Variants in GABRB1 observed in about 807,000 individuals in gnomAD.
The protein encoded by GABRB1 is gamma-aminobutyric acid receptor subunit beta-1.
Under a neutral mutation model 51.6 loss-of-function variants are expected in GABRB1, and 17 were observed. The ratio of observed to expected loss-of-function variants is 0.33; its 90% CI spans 0.23 to 0.49. GABRB1 has a LOEUF of 0.49. Ranked by LOEUF, GABRB1 falls within the 20% of genes least tolerant of loss-of-function variation. The probability of loss-of-function intolerance (pLI) is 0.99; values close to 1 mark genes in which losing one functional copy is unlikely to be tolerated. For missense variants in GABRB1, 410 were observed against 600.6 expected, an observed-to-expected ratio of 0.68 and a Z score of 3.32; for synonymous variants, 247 against 218.9, an observed-to-expected ratio of 1.13 and a Z score of -1.14.
chr4:47,152,222 T>G (rs948628580), intron 3 of GABRB1, among the ~76,000 whole-genome samples: 2 of 151,996 alleles, frequency 1.3e-5, no homozygotes, highest in African/African-American at 4.8e-5. Flanking sequence ...AAATTTGGAA[T>G]GTAATAAGAT....
chr4:47,351,660 T>C (rs1431322339), intron 5 of GABRB1, among the ~76,000 whole-genome samples: 1 of 148,728 alleles, frequency 6.7e-6, no homozygotes, highest in Non-Finnish European at 1.5e-5. Context: ...ACATGTGGTG[T>C]TTGGTTTTTT....
intron 5 of GABRB1, among the ~76,000 whole-genome samples, chr4:47,380,673 G>A (rs540041850): frequency 6.6e-6 from 1 of 152,110 alleles, no homozygotes; most frequent in African/African-American, 2.4e-5. Context: ...TAAAACCCTA[G>A]ATATATTGTT....
chr4:47,109,727 T>C (rs1263887507), intron 3 of GABRB1, among the ~76,000 whole-genome samples: 1 of 152,136 alleles, frequency 6.6e-6, no homozygotes, highest in African/African-American at 2.4e-5. Context: ...GAAAGGTAGA[T>C]TTAAAGATGC....
At chr4:47,313,145 TATA>T (rs1724768129) in intron 4 of GABRB1, among the ~76,000 whole-genome samples, 2 of 152,174 alleles carry the variant, frequency 1.3e-5, no homozygotes, top group Admixed American at 1.3e-4. Flanking sequence ...AAATTGGGAT[TATA>T]ATGTAATCCA....
chr4:47,130,129 C>G (rs889814853), intron 3 of GABRB1, among the ~76,000 whole-genome samples: 1 of 152,162 alleles, frequency 6.6e-6, no homozygotes, highest in Non-Finnish European at 1.5e-5. Flanking sequence ...CCCACATTTT[C>G]TCTCTGATAC....
rs182448812 is a variant in GABRB1 at position 47,398,771 on chromosome 4, T to C, written c.545-4547T>C. Among the ~76,000 whole-genome samples, 499 of 147,614 alleles carry C rather than the reference T, an allele frequency of 3.4e-3. 6 individuals are homozygous for C. Among genetic ancestry groups the C allele is most frequent in the African/African-American group, 0.011 (445 of 39,256 alleles). ...GGCTAAATTTTTGTGTGAGGTTTTT[T>C]TGTTTTTTGTTTGTTTGTTTTGTTT... On this transcript the variant is annotated intron_variant, in intron 5 of 8. Coordinates refer to ENST00000295454, the MANE Select transcript of GABRB1 (RefSeq NM_000812.4).
chr4:47,154,471 C>T (rs1470857170), intron 3 of GABRB1, among the ~76,000 whole-genome samples: 3 of 152,016 alleles, frequency 2.0e-5, no homozygotes, highest in Non-Finnish European at 4.4e-5. Flanking sequence ...AGTCGTTTAA[C>T]ATCTCTAGGT....
intron 4 of GABRB1, among the ~76,000 whole-genome samples, chr4:47,236,149 C>T (rs1721326699): frequency 6.6e-6 from 1 of 152,056 alleles, no homozygotes; most frequent in Non-Finnish European, 1.5e-5. Flanking sequence ...TGTATTAAAA[C>T]ATAAATTTTA....
chr4:47,305,225 T>G (rs1477078136), intron 4 of GABRB1, among the ~76,000 whole-genome samples: 1 of 152,128 alleles, frequency 6.6e-6, no homozygotes, highest in African/African-American at 2.4e-5. Context: ...AATATCTAGC[T>G]TAATTTGAGC....
chr4:47,301,049 G>A (rs569781011), intron 4 of GABRB1, among the ~76,000 whole-genome samples: 2 of 151,990 alleles, frequency 1.3e-5, no homozygotes, highest in South Asian at 4.2e-4. Flanking sequence ...ATAAATTAGT[G>A]GCTATAAGCA....
intron 8 of GABRB1, among the ~76,000 whole-genome samples, chr4:47,424,049 C>T (rs1729180888): frequency 6.6e-6 from 1 of 152,124 alleles, no homozygotes; most frequent in South Asian, 2.1e-4. Context: ...CAAAATGCTT[C>T]ACAGAGGGAA....
chr4:47,298,450 A>T (rs1433093711), intron 4 of GABRB1, among the ~76,000 whole-genome samples: 1 of 152,186 alleles, frequency 6.6e-6, no homozygotes, highest in Non-Finnish European at 1.5e-5. Flanking sequence ...AATAACAGAC[A>T]AACAGAGAGC....
chr4:47,356,277 T>C (rs1726572064), intron 5 of GABRB1, among the ~76,000 whole-genome samples: 2 of 143,200 alleles, frequency 1.4e-5, no homozygotes, highest in African/African-American at 5.2e-5. Context: ...AAGTTTACCA[T>C]AAAGCGTTGA....
chr4:47,328,678 A>G (rs1217441375), intron 5 of GABRB1, among the ~76,000 whole-genome samples: 1 of 152,136 alleles, frequency 6.6e-6, no homozygotes, highest in Non-Finnish European at 1.5e-5. Flanking sequence ...CGAAAAACCA[A>G]ACACCGCATG....
At chr4:47,204,571 A>T (rs1436137465) in intron 4 of GABRB1, among the ~76,000 whole-genome samples, 1 of 151,932 alleles carries the variant, frequency 6.6e-6, no homozygotes, top group African/African-American at 2.4e-5. Context: ...TTGAATTGTA[A>T]TTCCCACAAT....
chr4:47,048,758 G>T (rs758036144), intron 3 of GABRB1, among the ~76,000 whole-genome samples: 3 of 152,114 alleles, frequency 2.0e-5, no homozygotes, highest in Non-Finnish European at 2.9e-5. Context: ...ACAGAGCTGG[G>T]TTTAAAGCTC....
intron 5 of GABRB1, among the ~76,000 whole-genome samples, chr4:47,366,881 T>G (rs1269181527): frequency 6.6e-6 from 1 of 152,240 alleles, no homozygotes; most frequent in South Asian, 2.1e-4. Context: ...TAATTTATAC[T>G]ACTTTTTAGA....
chr4:47,420,153 G>A (rs1228144880), intron 8 of GABRB1, among the ~76,000 whole-genome samples: 2 of 152,184 alleles, frequency 1.3e-5, no homozygotes, highest in South Asian at 4.1e-4. Context: ...CAAAAGCACA[G>A]GAGGGTTCAA....
chr4:47,347,834 T>C (rs890478065), intron 5 of GABRB1, among the ~76,000 whole-genome samples: 2 of 152,188 alleles, frequency 1.3e-5, no homozygotes, highest in African/African-American at 4.8e-5. Context: ...AAGATGATGT[T>C]AACACTACAG....
Sources: allele counts gnomAD v4.1 joint callset (sites outside exome capture counted in the v4.1 genomes callset), GRCh38; gene constraint gnomAD v4.1.1; transcripts MANE v1.5; gene names NCBI Gene and HGNC (gene_info 2026-07-23, HGNC 2026-07-21).